Variants in KLC1 observed in about 807,000 individuals in gnomAD.
KLC1 encodes kinesin 2 60/70kDa.
KLC1 carries 30 observed loss-of-function variants against 84.2 expected under a neutral mutation model. The ratio of observed to expected loss-of-function variants is 0.36; its 90% CI spans 0.27 to 0.48. The LOEUF (loss-of-function observed/expected upper bound fraction) is 0.48, where lower values mean the gene tolerates loss of function less well. Ranked by LOEUF, KLC1 falls within the 20% of genes least tolerant of loss-of-function variation. The pLI, the probability that KLC1 is intolerant of heterozygous loss-of-function variation, is 0.99. For missense variants in KLC1, 499 were observed against 805.4 expected, an observed-to-expected ratio of 0.62 and a Z score of 4.60; for synonymous variants, 289 against 293.3, an observed-to-expected ratio of 0.99 and a Z score of 0.15.
intron 12 of KLC1, among the ~76,000 whole-genome samples, chr14:103,678,166 G>A (rs1345140261): frequency 6.6e-6 from 1 of 152,236 alleles, no homozygotes; most frequent in Non-Finnish European, 1.5e-5. Flanking sequence ...GGGAGGCTGA[G>A]GCAGGAGAGT....
chr14:103,686,428 T>C (rs927369563), intron 13 of KLC1: 2 of 158,910 alleles, frequency 1.3e-5, no homozygotes, highest in African/African-American at 4.8e-5. Context: ...ATTTCACTTA[T>C]TAATACCTGA....
intron 1 of KLC1, among the ~76,000 whole-genome samples, chr14:103,630,418 C>G (rs914269567): frequency 2.6e-5 from 4 of 152,116 alleles, no homozygotes; most frequent in Admixed American, 2.0e-4. Context: ...GGAATACTTA[C>G]AAAAATGATG....
At chr14:103,686,173 A>T (rs1328460566) in intron 13 of KLC1, 1 of 988,102 alleles carries the variant, frequency 1.0e-6, no homozygotes, top group Non-Finnish European at 1.2e-6. Flanking sequence ...TGAAGTGCTC[A>T]GTGATTTGTG....
At chr14:103,690,712 G>GGAGT (rs2082058097) in intron 14 of KLC1, among the ~76,000 whole-genome samples, 1 of 152,218 alleles carries the variant, frequency 6.6e-6, no homozygotes, top group Non-Finnish European at 1.5e-5. Flanking sequence ...AAACTTCAGG[G>GGAGT]GAGTTTATGT....
chr14:103,640,901 A>C (rs919308836), intron 1 of KLC1, among the ~76,000 whole-genome samples: 1 of 151,910 alleles, frequency 6.6e-6, no homozygotes, highest in East Asian at 1.9e-4. Context: ...AGGAACCAAC[A>C]TTGGTACCTT....
chr14:103,663,059 G>T, intron 5 of KLC1, 132 bp downstream of exon 5: 6 of 546,292 alleles, frequency 1.1e-5, no homozygotes, highest in Non-Finnish European at 1.2e-5. Context: ...TTAAACAGGG[G>T]TTAAATTAAA....
intron 7 of KLC1, among the ~76,000 whole-genome samples, chr14:103,671,504 G>A (rs1431506755): frequency 6.6e-6 from 1 of 152,062 alleles, no homozygotes; most frequent in Non-Finnish European, 1.5e-5. Flanking sequence ...TGGGTAGCTG[G>A]GATTACAGGC....
At chr14:103,679,304 T>TC (rs1555424092) in intron 12 of KLC1, 80 bp from the exon 13 acceptor site, 5 of 1,501,476 alleles carry the variant, frequency 3.3e-6, no homozygotes, top group Non-Finnish European at 3.6e-6. Flanking sequence ...TTTTTTTTTT[T>TC]CTAGCGAAGT....
Position 103,687,109 on chromosome 14 carries a change from G to T in KLC1, c.1679G>T (p.Gly560Val). Residue 560 changes from glycine to valine, a missense_variant, in exon 14 of 17, where the codon GGT becomes GTT. Physicochemically the swap from Gly to Val is moderately radical, Grantham distance 109 (BLOSUM62 -3). Transcript: ENST00000334553. Reference sequence around the variant, plus strand: ...GGCACTGGATCTTTAAAACGCAGTGGTTCCTTTAGCAAACTCCGGGCTTCC... The same window carrying T: ...GGCACTGGATCTTTAAAACGCAGTGTTTCCTTTAGCAAACTCCGGGCTTCC... ...GDGTGSLKRSGSFSKLRASIR... is the reference protein window; with the variant it reads ...GDGTGSLKRSVSFSKLRASIR... The T allele has an allele frequency of 6.5e-7, 1 of 1,545,056 alleles. No individual in the cohort carries two copies. Among genetic ancestry groups the T allele is most frequent in the Non-Finnish European group, 8.8e-7 (1 of 1,141,932 alleles).
At chr14:103,679,623 T>C (rs770649945) in intron 13 of KLC1, 78 bp downstream of exon 13, 4 of 1,045,818 alleles carry the variant, frequency 3.8e-6, no homozygotes, top group East Asian at 2.4e-5. Flanking sequence ...TCCTGTCTCA[T>C]GTGCTAGACC....
intron 1 of KLC1, among the ~76,000 whole-genome samples, chr14:103,653,484 C>T (rs976160604): frequency 1.3e-5 from 2 of 152,172 alleles, no homozygotes; most frequent in Non-Finnish European, 2.9e-5. Flanking sequence ...AGCACACTCA[C>T]CTAATTTTTG....
At chr14:103,658,682 G>A (rs534986141) in intron 3 of KLC1, among the ~76,000 whole-genome samples, 2 of 134,496 alleles carry the variant, frequency 1.5e-5, no homozygotes, top group Non-Finnish European at 3.1e-5. Flanking sequence ...TTTTGAGATG[G>A]AGTCTCACTC....
At chr14:103,679,210 T>C (rs2081162967) in intron 12 of KLC1, 174 bp from the exon 13 acceptor site, 4 of 765,008 alleles carry the variant, frequency 5.2e-6, no homozygotes, top group Non-Finnish European at 4.1e-6. Flanking sequence ...TCCTTTGTGT[T>C]TCCAGTTCCC....
intron 1 of KLC1, among the ~76,000 whole-genome samples, chr14:103,637,188 A>G (rs559513639): frequency 6.6e-6 from 1 of 152,164 alleles, no homozygotes; most frequent in African/African-American, 2.4e-5. Flanking sequence ...GTGCCTTTTA[A>G]TAAATCAATA....
chr14:103,689,301 T>C (rs1327090535), intron 14 of KLC1, among the ~76,000 whole-genome samples: 2 of 152,132 alleles, frequency 1.3e-5, no homozygotes, highest in South Asian at 4.1e-4. Flanking sequence ...TTGTTCTGTT[T>C]TCTCGTGTTT....
Position 103,693,466 on chromosome 14 carries a change from T to G in KLC1, c.1848+1041T>G. ...GCCAACCTAGATTTAGCTGTGCAGC[T>G]GGTACTGTTAGGCCTGAGGCCATTT... On this transcript the variant is annotated intron_variant, in intron 15 of 16. Transcript: ENST00000334553. The surrounding 1 kb of genome is among the most constrained non-coding windows in gnomAD (Gnocchi z 5.1). 5 of 1,526,478 alleles carry G rather than the reference T, an allele frequency of 3.3e-6. No homozygotes were observed. The highest frequency in any genetic ancestry group is 4.4e-6 in the Non-Finnish European group (5 of 1,141,576). 94.6% of individuals were successfully genotyped at this position (1,526,478 alleles called of 1,614,324 possible). A position where few individuals can be genotyped will look rare whatever the true frequency, so the allele number is the denominator to read the frequency against.
At chr14:103,666,524 A>G (rs557322228) in intron 5 of KLC1, among the ~76,000 whole-genome samples, 17 of 152,254 alleles carry the variant, frequency 1.1e-4, no homozygotes, top group African/African-American at 4.1e-4. Context: ...AACCACTGCT[A>G]ACTAATAGTC....
In KLC1 at chr14:103,654,745, G is replaced by A; in HGVS notation, c.181G>A (p.Glu61Lys). ...ETLKCLKKDD[E>K]SNLVEEKSNM... Reference sequence around the variant, plus strand: ...ACTGAAGTGTTTGAAGAAAGATGATGAAAGTAATTTGGTGGAGGAGAAATC... The same window carrying A: ...ACTGAAGTGTTTGAAGAAAGATGATAAAAGTAATTTGGTGGAGGAGAAATC... The change falls in exon 2 of 17, where the codon GAA becomes AAA. Residue 61 changes from glutamate (E) to lysine (K), a missense_variant. Coordinates refer to ENST00000334553, the MANE Select transcript of KLC1 (RefSeq NM_001394837.1). 1 of 1,614,194 alleles carries A rather than the reference G, an allele frequency of 6.2e-7. No homozygotes were observed. Among genetic ancestry groups the A allele is most frequent in the Non-Finnish European group, 8.5e-7 (1 of 1,180,036 alleles).
intron 1 of KLC1, among the ~76,000 whole-genome samples, chr14:103,632,758 C>T (rs951501601): frequency 2.6e-5 from 4 of 151,986 alleles, no homozygotes; most frequent in African/African-American, 7.2e-5. Flanking sequence ...AAACTCTGTC[C>T]TCTAGGAGCT....
Sources: allele counts gnomAD v4.1 joint callset (sites outside exome capture counted in the v4.1 genomes callset), GRCh38; gene constraint gnomAD v4.1.1; non-coding constraint Gnocchi (gnomAD v3.1); transcripts MANE v1.5; gene names NCBI Gene and HGNC (gene_info 2026-07-23, HGNC 2026-07-21).